The following GFRA1 variants were observed in gnomAD, a reference collection of about 807,000 sequenced individuals.
GFRA1 encodes the protein GDNF family receptor alpha-1.
GFRA1 carries 16 observed loss-of-function variants against 51.6 expected under a neutral mutation model. The ratio of observed to expected loss-of-function variants is 0.31; its 90% CI spans 0.21 to 0.47. GFRA1 has a LOEUF of 0.47. Among genes scored for constraint, GFRA1 ranks in the 20% least tolerant of loss-of-function variants. The probability of loss-of-function intolerance (pLI) is 1.00; values close to 1 mark genes in which losing one functional copy is unlikely to be tolerated. For missense variants in GFRA1, 530 were observed against 594.3 expected (o/e 0.89, Z 1.13); for synonymous variants, 270 against 241.3 (o/e 1.12, Z -1.10).
intron 4 of GFRA1, among the ~76,000 whole-genome samples, chr10:116,227,557 A>G (rs1022172131): frequency 6.6e-6 from 1 of 152,216 alleles, no homozygotes; most frequent in Non-Finnish European, 1.5e-5. Flanking sequence ...AGAGTGATTT[A>G]TATCAACTAG....
At chr10:116,143,091 A>G (rs575896143) in intron 5 of GFRA1, among the ~76,000 whole-genome samples, 2 of 152,332 alleles carry the variant, frequency 1.3e-5, no homozygotes, top group East Asian at 3.9e-4. Context: ...ACAGAATGAA[A>G]TAAGAAATGA....
At chr10:116,088,920 C>CAAAAA (rs58590152) in intron 9 of GFRA1, among the ~76,000 whole-genome samples, 41 of 49,054 alleles carry the variant, frequency 8.4e-4, no homozygotes, top group East Asian at 3.5e-3. Flanking sequence ...GACTCTGTCT[C>CAAAAA]AAAAAAAAAA....
intron 5 of GFRA1, among the ~76,000 whole-genome samples, chr10:116,135,586 C>T (rs1958289197): frequency 6.6e-6 from 1 of 152,176 alleles, no homozygotes; most frequent in South Asian, 2.1e-4. Context: ...CTTCTATCGC[C>T]ATCTTTTAAT....
chr10:116,095,295 G>A (rs774096937), intron 7 of GFRA1, among the ~76,000 whole-genome samples: 12 of 152,210 alleles, frequency 7.9e-5, no homozygotes, highest in African/African-American at 1.4e-4. Flanking sequence ...TACATCTCAC[G>A]TCCATAAGAT....
intron 6 of GFRA1, among the ~76,000 whole-genome samples, chr10:116,107,229 AT>A (rs1382614498): frequency 1.3e-5 from 2 of 152,164 alleles, no homozygotes; most frequent in Non-Finnish European, 2.9e-5. Flanking sequence ...ACCTGTTGAC[AT>A]CTATTCCTGA....
At chr10:116,152,333 C>T (rs78517508) in intron 5 of GFRA1, among the ~76,000 whole-genome samples, 2,992 of 152,250 alleles carry the variant, frequency 0.02, 44 homozygotes, top group Middle Eastern at 0.058. Context: ...CTTTTAGAAA[C>T]GTTCACCAGA....
intron 5 of GFRA1, among the ~76,000 whole-genome samples, chr10:116,141,477 T>C (rs1249454860): frequency 6.6e-6 from 1 of 152,128 alleles, no homozygotes; most frequent in East Asian, 1.9e-4. Context: ...GAGTATATGC[T>C]CTGCCTCCTG....
At chr10:116,231,751 T>C (rs986391818) in intron 4 of GFRA1, among the ~76,000 whole-genome samples, 1 of 152,208 alleles carries the variant, frequency 6.6e-6, no homozygotes, top group African/African-American at 2.4e-5. Context: ...TAATACACCA[T>C]AAATTTAAAT....
chr10:116,135,306 A>T (rs1958276255), intron 5 of GFRA1, among the ~76,000 whole-genome samples: 1 of 152,248 alleles, frequency 6.6e-6, no homozygotes, highest in South Asian at 2.1e-4. Context: ...TAAATCATAC[A>T]ATGATCAACT....
intron 5 of GFRA1, among the ~76,000 whole-genome samples, chr10:116,176,993 G>A (rs976508015): frequency 3.2e-4 from 48 of 152,156 alleles, no homozygotes; most frequent in African/African-American, 1.1e-3. Context: ...AAACAAGGGA[G>A]ACAGAGATCA....
intron 5 of GFRA1, among the ~76,000 whole-genome samples, chr10:116,205,596 GATATATATATATATAT>G (rs140642664): frequency 1.1e-4 from 16 of 140,588 alleles, no homozygotes; most frequent in African/African-American, 5.2e-5. Context: ...AAAAAAAAAA[GATATATATATATATAT>G]ATATATATAT....
chr10:116,233,998 C>A (rs1478973163), intron 4 of GFRA1, among the ~76,000 whole-genome samples: 1 of 152,090 alleles, frequency 6.6e-6, no homozygotes, highest in Non-Finnish European at 1.5e-5. Flanking sequence ...TTCCTTTTTT[C>A]TCTTTCCTCA....
At chr10:116,116,012 G>A (rs763630350) in intron 6 of GFRA1, among the ~76,000 whole-genome samples, 3 of 152,174 alleles carry the variant, frequency 2.0e-5, no homozygotes, top group South Asian at 2.1e-4. Flanking sequence ...GAGTACCCCC[G>A]CCCACCTCCT....
intron 9 of GFRA1, among the ~76,000 whole-genome samples, chr10:116,071,162 G>C (rs1034545072): frequency 2.0e-5 from 3 of 152,182 alleles, no homozygotes; most frequent in Non-Finnish European, 4.4e-5. Context: ...GGCCAGCCAG[G>C]GTGAGGCTGG....
chr10:116,270,813 C>G lies in GFRA1; in HGVS notation c.334+9G>C. The G allele has an allele frequency of 6.2e-7, 1 of 1,608,026 alleles. No homozygotes were observed. Among genetic ancestry groups the G allele is most frequent in the South Asian group, 1.1e-5 (1 of 90,904 alleles). ...GACACGGGGTGGGGTGGGGAGGTTC[C>G]ACGCGTACCCTGCAGGCTCTGGTAC... On this transcript the variant is annotated intron_variant, in intron 3 of 10. Coordinates refer to ENST00000355422, the MANE Select transcript of GFRA1 (RefSeq NM_005264.8).
At chr10:116,092,118 C>CACACAT (rs1235083503) in intron 8 of GFRA1, among the ~76,000 whole-genome samples, 1 of 142,374 alleles carries the variant, frequency 7.0e-6, no homozygotes, top group Non-Finnish European at 1.6e-5. Context: ...CACACACACA[C>CACACAT]ACACACACAC....
At chr10:116,224,614 C>A (rs1966152176) in intron 4 of GFRA1, among the ~76,000 whole-genome samples, 2 of 152,084 alleles carry the variant, frequency 1.3e-5, no homozygotes, top group Non-Finnish European at 2.9e-5. Context: ...TTGTGTGGTT[C>A]TATTTATATG....
chr10:116,134,578 T>A (rs7916155), intron 5 of GFRA1, among the ~76,000 whole-genome samples: 4,302 of 152,310 alleles, frequency 0.028, 188 homozygotes, highest in African/African-American at 0.098. Context: ...GAACCCATTT[T>A]GTCATTCGTA....
intron 6 of GFRA1, among the ~76,000 whole-genome samples, chr10:116,124,716 C>T (rs957491749): frequency 1.1e-4 from 17 of 152,150 alleles, no homozygotes; most frequent in East Asian, 3.9e-4. Context: ...CTCTTCACAG[C>T]GACAGAACAG....
Sources: gnomAD v4.1 joint callset for allele counts (sites outside exome capture counted in the v4.1 genomes callset) on GRCh38, gnomAD v4.1.1 for gene constraint, MANE v1.5 for transcripts, NCBI Gene and HGNC (gene_info 2026-07-23, HGNC 2026-07-21) for gene names.